The following GUSB variants were observed in gnomAD, a reference collection of about 807,000 sequenced individuals.
The protein encoded by GUSB is beta-glucuronidase.
GUSB carries 51 observed loss-of-function variants against 74.6 expected under a neutral mutation model. The observed-to-expected ratio is 0.68, with a 90% CI of 0.55 to 0.86. GUSB has a LOEUF of 0.86. Ranked by LOEUF, GUSB falls within the 40% of genes least tolerant of loss-of-function variation. GUSB has a pLI of 0.00. For missense variants in GUSB, 736 were observed against 853.7 expected, an observed-to-expected ratio of 0.86 and a Z score of 1.72; for synonymous variants, 360 against 348.3, an observed-to-expected ratio of 1.03 and a Z score of -0.37.
chr7:65,973,292 A>G (rs546557024), intron 8 of GUSB, among the ~76,000 whole-genome samples: 1 of 152,310 alleles, frequency 6.6e-6, no homozygotes, highest in South Asian at 2.1e-4. Context: ...GTCTCTACTG[A>G]AAAATGCAAA....
intron 11 of GUSB, 102 bp downstream of exon 11, chr7:65,964,221 C>T: frequency 9.3e-7 from 1 of 1,075,202 alleles, no homozygotes; most frequent in Non-Finnish European, 1.4e-6. Flanking sequence ...GCTTCCCCAA[C>T]TTTGTTTCCA....
intron 11 of GUSB, among the ~76,000 whole-genome samples, chr7:65,962,641 G>C (rs943313348): frequency 6.6e-6 from 1 of 152,078 alleles, no homozygotes; most frequent in Non-Finnish European, 1.5e-5. Flanking sequence ...GGGAGGCCCA[G>C]ATGTGCGGAT....
At position 65,960,947 on chromosome 7, in the gene GUSB, G is replaced by GA. The variant is rs1562665910; in HGVS notation, c.1905dup (p.Pro636SerfsTer67). 1.2e-6 allele frequency: 2 copies of GA among 1,613,896 alleles called. No individual in the cohort carries two copies. Among genetic ancestry groups the GA allele is most frequent in the East Asian group, 2.2e-5 (1 of 44,866 alleles). Reference sequence around the variant, plus strand: ...CATTGTGACTTGGCTACTGAGTGGGGATACCTGGTTTCATTGGCAATCTTC... The same window carrying GA: ...CATTGTGACTTGGCTACTGAGTGGGGAATACCTGGTTTCATTGGCAATCTTC... On this transcript the variant is annotated frameshift_variant, in exon 12 of 12. Coordinates refer to ENST00000304895, the MANE Select transcript of GUSB (RefSeq NM_000181.4). LOFTEE classifies it low-confidence loss of function (END_TRUNC).
At chr7:65,972,082 G>A (rs2115923204) in intron 8 of GUSB, among the ~76,000 whole-genome samples, 1 of 152,240 alleles carries the variant, frequency 6.6e-6, no homozygotes, top group East Asian at 1.9e-4. Context: ...CCTTAGAAGG[G>A]AAGAAAAACC....
At chr7:65,965,276 C>T (rs1460296197) in intron 10 of GUSB, among the ~76,000 whole-genome samples, 1 of 151,618 alleles carries the variant, frequency 6.6e-6, no homozygotes, top group Admixed American at 6.6e-5. Flanking sequence ...TGTGGTGGCG[C>T]ACGCCTGCAG....
chr7:65,982,045 A>C lies in GUSB; in HGVS notation c.139T>G (p.Phe47Val). 1 of 1,610,854 alleles carries C rather than the reference A, an allele frequency of 6.2e-7. No homozygotes were observed. Among genetic ancestry groups the C allele is most frequent in the Non-Finnish European group, 8.5e-7 (1 of 1,179,392 alleles). The change falls in exon 1 of 12, where the codon TTC becomes GTC. Residue 47 changes from phenylalanine to valine, a missense_variant. Phe to Val is a conservative substitution (Grantham distance 50). Transcript: ENST00000304895. ...ECKELDGLWSFRADFSDNRRR... is the reference protein window; with the variant it reads ...ECKELDGLWSVRADFSDNRRR... ...CGGTTGTCAGAGAAGTCGGCGCGGA[A>C]GCTCCAGAGGCCGTCCAGCTCCTTG...
rs765136502 is a variant in GUSB, at chr7:65,964,370, A to G, written c.1742T>C (p.Val581Ala). Residue 581 changes from valine to alanine, a missense_variant, in exon 11 of 12, where the codon GTG becomes GCG. Physicochemically the swap from Val to Ala is moderately conservative, Grantham distance 64 (BLOSUM62 0). Coordinates refer to ENST00000304895, the MANE Select transcript of GUSB (RefSeq NM_000181.4). ...LGLDQKRRKY[V>A]VGELIWNFAD... ...AAAATTCCAAATGAGCTCTCCAACC[A>G]CGTATTTTCTGCGTTTTTGATCCAG... 21 of 1,611,572 alleles carry G rather than the reference A, an allele frequency of 1.3e-5. No individual in the cohort carries two copies. The highest frequency in any genetic ancestry group is 1.6e-5 in the Non-Finnish European group (19 of 1,179,520).
At position 65,981,991 on chromosome 7, in the gene GUSB, G is replaced by A; in HGVS notation, c.193C>T (p.Arg65Trp). The change falls in exon 1 of 12, where the codon CGG becomes TGG. Residue 65 changes from arginine (R) to tryptophan (W), a missense_variant. Physicochemically the swap from Arg to Trp is moderately radical, Grantham distance 101. Around this residue, in one of 2 missense-constraint regions of GUSB, gnomAD observed 368 missense variants for 363.8 expected, o/e 1.01. Coordinates refer to ENST00000304895, the MANE Select transcript of GUSB (RefSeq NM_000181.4). ...GATCGCACCTCCCACAGCGGCCGCC[G>A]GTACCACTGCTCCTCGAAGCCCCGG... Reference protein sequence around the residue: ...RRRGFEEQWYRRPLWESGPTV... With the variant: ...RRRGFEEQWYWRPLWESGPTV... The A allele has an allele frequency of 6.2e-7, 1 of 1,608,260 alleles. No homozygotes were observed. Among genetic ancestry groups the A allele is most frequent in the Non-Finnish European group, 8.5e-7 (1 of 1,178,976 alleles).
Position 65,960,830 on chromosome 7 carries a change from T to C in GUSB, c.*67A>G, listed in dbSNP as rs1790433930. 2.9e-6 allele frequency: 4 copies of C among 1,361,470 alleles called. No individual in the cohort carries two copies. The highest frequency in any genetic ancestry group is 3.2e-6 in the Non-Finnish European group (3 of 950,060). The allele number at this position is 1,361,470 out of a possible 1,614,324, so 84.3% of individuals were successfully genotyped here. A position where few individuals can be genotyped will look rare whatever the true frequency, so the allele number is the denominator to read the frequency against. The stretch of plus-strand genomic sequence containing the variant: ...TGCCGTGAACAGTCCAGGAGGCACT[T>C]GTTCTGCTGCTGTGGAAGTCGCCCT... On this transcript the variant is annotated 3_prime_UTR_variant, in exon 12 of 12. Transcript: ENST00000304895.
Position 65,964,325 on chromosome 7 carries a change from TG to T in GUSB, c.1786del (p.Gln596SerfsTer44). On this transcript the variant is annotated frameshift_variant, in exon 11 of 12. Coordinates refer to ENST00000304895, the MANE Select transcript of GUSB (RefSeq NM_000181.4). LOFTEE classifies it low-confidence loss of function (END_TRUNC). ...CCATGAGCCAAACTGCCACTTACAC[TG>T]TTCAGTCATGAAATCGGCAAAATTC... ...IWNFADFMTE[Q>X]SPTRVLGNKK... 6.2e-7 allele frequency: 1 copy of T among 1,611,676 alleles called. No homozygotes were observed. Among genetic ancestry groups the T allele is most frequent in the African/African-American group, 1.3e-5 (1 of 74,942 alleles).
intron 4 of GUSB, among the ~76,000 whole-genome samples, chr7:65,979,076 C>A (rs148037440): frequency 1.8e-4 from 27 of 152,134 alleles, no homozygotes; most frequent in African/African-American, 6.3e-4. Context: ...GCGCCCCCCC[C>A]ACCGAAGCTG....
At chr7:65,964,525 A>T in intron 10 of GUSB, 67 bp from the exon 11 acceptor site, 1 of 1,507,926 alleles carries the variant, frequency 6.6e-7, no homozygotes, top group Admixed American at 1.8e-5. Flanking sequence ...AGATAAAAAT[A>T]AAGATCCACT....
chr7:65,963,536 T>C (rs900644021), intron 11 of GUSB, among the ~76,000 whole-genome samples: 2 of 152,172 alleles, frequency 1.3e-5, no homozygotes, highest in African/African-American at 2.4e-5. Flanking sequence ...GCAGATGTTA[T>C]TCTCTTTGAA....
chr7:65,976,188 G>C lies in GUSB; in HGVS notation c.739C>G (p.Gln247Glu), dbSNP rs1177306016. 1.5e-5 allele frequency: 24 copies of C among 1,611,990 alleles called. No homozygotes were observed. Among genetic ancestry groups the C allele is most frequent in the Non-Finnish European group, 2.0e-5 (24 of 1,179,138 alleles). ...VEQDSGLVNY[Q>E]ISVKGSNLFK... The stretch of plus-strand genomic sequence containing the variant: ...AGGTTACTGCCCTTGACAGAGATCT[G>C]GTAATTCACCAGCCCTGCAAGAAAC... Residue 247 changes from glutamine to glutamate, a missense_variant, in exon 5 of 12, where the codon CAG (glutamine) becomes GAG (glutamate). By Grantham distance (29) the Gln-to-Glu change is conservative. Coordinates refer to ENST00000304895, the MANE Select transcript of GUSB (RefSeq NM_000181.4).
intron 8 of GUSB, among the ~76,000 whole-genome samples, chr7:65,972,296 G>A (rs3105600): frequency 0.11 from 16,906 of 151,928 alleles, 1,095 homozygotes; most frequent in Middle Eastern, 0.2. Context: ...CAAGTAGCTG[G>A]GATTACAGAC....
At chr7:65,976,818 G>A (rs376515212) in intron 4 of GUSB, among the ~76,000 whole-genome samples, 104 of 151,804 alleles carry the variant, frequency 6.9e-4, no homozygotes, top group African/African-American at 2.2e-3. Flanking sequence ...TTGCAGCCCC[G>A]GCAGCCCCAG....
intron 4 of GUSB, among the ~76,000 whole-genome samples, chr7:65,978,778 AAAAAG>A (rs1455188506): frequency 1.3e-5 from 2 of 152,018 alleles, no homozygotes; most frequent in Admixed American, 1.3e-4. Context: ...CTCAAAAAAA[AAAAAG>A]AAGAAAAAAA....
intron 1 of GUSB, chr7:65,980,647 G>A (rs756915778): frequency 7.2e-5 from 40 of 555,174 alleles, no homozygotes; most frequent in Non-Finnish European, 1.2e-4. Flanking sequence ...CCTGAGACAG[G>A]AGCAAGCCCA....
At chr7:65,978,539 G>A (rs2116014576) in intron 4 of GUSB, among the ~76,000 whole-genome samples, 1 of 152,156 alleles carries the variant, frequency 6.6e-6, no homozygotes, top group South Asian at 2.1e-4. Context: ...AGGCCGAGGA[G>A]GGTGGATCAC....
Sources: gnomAD v4.1 joint callset for allele counts (sites outside exome capture counted in the v4.1 genomes callset) on GRCh38, gnomAD v4.1.1 for gene constraint, gnomAD v4.1.1 regional missense constraint, MANE v1.5 for transcripts, NCBI Gene and HGNC (gene_info 2026-07-23, HGNC 2026-07-21) for gene names.